FHL2: variants seen among roughly 807,000 people sequenced by gnomAD.
The protein encoded by FHL2 is four and a half LIM domains 2, also known as four and a half LIM domains protein 2.
In FHL2, 20 loss-of-function variants were observed where a neutral mutation model predicts 32.7. The ratio of observed to expected loss-of-function variants is 0.61; its 90% CI spans 0.43 to 0.89. The LOEUF is 0.89. Ranked by LOEUF, FHL2 falls within the 40% of genes least tolerant of loss-of-function variation. FHL2 has a pLI of 0.00. For missense variants in FHL2, 311 were observed against 358.6 expected (o/e 0.87, Z 1.07); for synonymous variants, 123 against 128.1 (o/e 0.96, Z 0.27).
At chr2:105,398,790 G>T in intron 1 of FHL2, 52 bp downstream of exon 1, 1 of 1,357,080 alleles carries the variant, frequency 7.4e-7, no homozygotes, top group South Asian at 1.9e-5. Context: ...GCACGGTTCG[G>T]GTCCCCTCTC....
intron 1 of FHL2, among the ~76,000 whole-genome samples, chr2:105,437,706 C>CAT (rs1229513256): frequency 6.6e-6 from 1 of 152,098 alleles, no homozygotes; most frequent in African/African-American, 2.4e-5. Flanking sequence ...TGTCTATTAT[C>CAT]ATATATATGG....
At chr2:105,409,089 T>G (rs1683718014) in intron 1 of FHL2, among the ~76,000 whole-genome samples, 1 of 152,124 alleles carries the variant, frequency 6.6e-6, no homozygotes, top group Non-Finnish European at 1.5e-5. Context: ...CCTTCATGCT[T>G]TGAGGCTTTA....
intron 4 of FHL2, among the ~76,000 whole-genome samples, chr2:105,368,478 A>G (rs1175006385): frequency 6.6e-6 from 1 of 152,184 alleles, no homozygotes; most frequent in Non-Finnish European, 1.5e-5. Flanking sequence ...ACAGGTGCAC[A>G]CCACCATGCC....
At chr2:105,379,559 G>A (rs983132121) in intron 3 of FHL2, among the ~76,000 whole-genome samples, 2 of 152,036 alleles carry the variant, frequency 1.3e-5, no homozygotes, top group Non-Finnish European at 2.9e-5. Flanking sequence ...TCAATGTAAC[G>A]ACACCAAAAA....
upstream of FHL2, among the ~76,000 whole-genome samples, chr2:105,403,746 G>A (rs928888313): frequency 2.0e-5 from 3 of 152,140 alleles, no homozygotes; most frequent in South Asian, 2.1e-4. Flanking sequence ...AGTTTAGGGC[G>A]TGGGGGAGGG....
At chr2:105,437,042 A>G (rs1172732419) in intron 1 of FHL2, among the ~76,000 whole-genome samples, 1 of 152,202 alleles carries the variant, frequency 6.6e-6, no homozygotes, top group African/African-American at 2.4e-5. Context: ...TCTGAAATCA[A>G]TGGAGAACTC....
At chr2:105,411,446 T>C (rs1683785438) in intron 1 of FHL2, among the ~76,000 whole-genome samples, 3 of 152,072 alleles carry the variant, frequency 2.0e-5, no homozygotes, top group Admixed American at 1.3e-4. Flanking sequence ...ACCTTGTCTC[T>C]TACTCCTGGT....
At chr2:105,369,146 T>A (rs547267408) in intron 4 of FHL2, among the ~76,000 whole-genome samples, 1 of 152,286 alleles carries the variant, frequency 6.6e-6, no homozygotes, top group East Asian at 1.9e-4. Context: ...CTGGGGACTG[T>A]GGCATGAGGG....
At position 105,373,601 on chromosome 2, in the gene FHL2, A is replaced by G. The variant is rs1681248388; in HGVS notation, c.289T>C (p.Tyr97His). The change falls in exon 4 of 7, where the codon TAC (tyrosine) becomes CAC (histidine). Residue 97 changes from tyrosine (Y) to histidine (H), a missense_variant. By Grantham distance (83) the Tyr-to-His change is moderately conservative (BLOSUM62 2). Coordinates refer to ENST00000530340, the MANE Select transcript of FHL2 (RefSeq NM_001318895.3). ...LLCTDCYSNE[Y>H]SSKCQECKKT... ...TTGCATTCCTGGCACTTGGATGAGTACTCGTTGGAATAGCAGTCTGTACAG... is the reference window on the plus strand; with the variant it reads ...TTGCATTCCTGGCACTTGGATGAGTGCTCGTTGGAATAGCAGTCTGTACAG... 6.2e-7 allele frequency: 1 copy of G among 1,614,180 alleles called. No individual in the cohort carries two copies.
intron 1 of FHL2, among the ~76,000 whole-genome samples, chr2:105,434,561 C>G (rs984311429): frequency 6.6e-6 from 1 of 151,640 alleles, no homozygotes; most frequent in Non-Finnish European, 1.5e-5. Context: ...GAGTGAGACT[C>G]CATCTCAAAA....
intron 3 of FHL2, among the ~76,000 whole-genome samples, chr2:105,382,052 T>C (rs927814788): frequency 6.6e-6 from 1 of 152,234 alleles, no homozygotes; most frequent in Non-Finnish European, 1.5e-5. Flanking sequence ...TCGTCTCCTA[T>C]TTCAGAGCCC....
At chr2:105,420,447 G>T (rs11689087) in intron 1 of FHL2, among the ~76,000 whole-genome samples, 1 of 152,036 alleles carries the variant, frequency 6.6e-6, no homozygotes, top group African/African-American at 2.4e-5. Flanking sequence ...CCCCATTTCC[G>T]AATAAGGCCA....
chr2:105,409,060 G>A (rs1396130404), intron 1 of FHL2, among the ~76,000 whole-genome samples: 1 of 152,164 alleles, frequency 6.6e-6, no homozygotes, highest in African/African-American at 2.4e-5. Flanking sequence ...AGGGTGTTGT[G>A]GCCCAAAGAA....
chr2:105,436,677 T>C (rs947726929), intron 1 of FHL2, among the ~76,000 whole-genome samples: 3 of 152,250 alleles, frequency 2.0e-5, no homozygotes, highest in South Asian at 2.1e-4. Context: ...GAATATTAAG[T>C]TAATGGTTAA....
At chr2:105,365,643 T>G (rs921500412) in intron 5 of FHL2, among the ~76,000 whole-genome samples, 3 of 147,426 alleles carry the variant, frequency 2.0e-5, no homozygotes, top group African/African-American at 7.6e-5. Context: ...GTGACCAGTC[T>G]GGCCAACAAA....
intron 4 of FHL2, among the ~76,000 whole-genome samples, chr2:105,369,731 T>C (rs966923068): frequency 6.6e-6 from 1 of 152,242 alleles, no homozygotes; most frequent in Non-Finnish European, 1.5e-5. Context: ...ATCTCTGACA[T>C]TCATTCTGAT....
chr2:105,367,119 C>T (rs941032659), intron 5 of FHL2, among the ~76,000 whole-genome samples: 1 of 152,210 alleles, frequency 6.6e-6, no homozygotes, highest in African/African-American at 2.4e-5. Flanking sequence ...TCCATGGAGG[C>T]AGACTTTTCT....
At chr2:105,438,500 G>A in exon 1 of FHL2, 1 of 985,572 alleles carries the variant, frequency 1.0e-6, no homozygotes, top group Non-Finnish European at 1.2e-6. Flanking sequence ...CTTCTGTGCA[G>A]CTGCCAGCCA....
At position 105,414,801 on chromosome 2, in the gene FHL2, C is replaced by T. The variant is rs193231300; in HGVS notation, c.-25+23598G>A. ...TTTCTGGCTTCAAGTGATCCACCCA[C>T]CTTGGCCTCTCAAAGTGCTAAGATT... On this transcript the variant is annotated intron_variant, in intron 1 of 5. Transcript: ENST00000393352. Among the ~76,000 whole-genome samples the T allele has an allele frequency of 1.5e-3, 236 of 152,334 alleles. 1 individual carries two copies. The highest frequency in any genetic ancestry group is 5.0e-3 in the African/African-American group (208 of 41,572).
Sources: allele counts gnomAD v4.1 joint callset (sites outside exome capture counted in the v4.1 genomes callset), GRCh38; gene constraint gnomAD v4.1.1; transcripts MANE v1.5; gene names NCBI Gene and HGNC (gene_info 2026-07-23, HGNC 2026-07-21).